NAV3: variants seen among roughly 807,000 people sequenced by gnomAD.
NAV3 encodes the protein pore membrane and/or filament interacting like protein 1.
Under a neutral mutation model 244.7 loss-of-function variants are expected in NAV3, and 87 were observed. The observed-to-expected ratio is 0.36, with a 90% CI of 0.30 to 0.42. NAV3 has a LOEUF of 0.42. NAV3 is among the 20% of genes least tolerant of loss of function. The pLI, the probability that NAV3 is intolerant of heterozygous loss-of-function variation, is 1.00. For missense variants in NAV3, 2,663 were observed against 2,893.3 expected, an observed-to-expected ratio of 0.92 and a Z score of 1.83; for synonymous variants, 1,126 against 1,042.2, an observed-to-expected ratio of 1.08 and a Z score of -1.55.
intron 3 of NAV3, among the ~76,000 whole-genome samples, chr12:77,955,289 T>C (rs1240927101): frequency 1.3e-5 from 2 of 152,124 alleles, no homozygotes; most frequent in Non-Finnish European, 2.9e-5. Context: ...AGTTCACATA[T>C]AGCTCCTTCC....
intron 2 of NAV3, among the ~76,000 whole-genome samples, chr12:77,586,034 T>C (rs949154659): frequency 2.9e-4 from 44 of 151,822 alleles, no homozygotes; most frequent in African/African-American, 7.0e-4. Context: ...TGGTGGCGGG[T>C]GCCTGTAGTC....
At chr12:78,210,330 C>A in intron 39 of NAV3, 68 bp from the exon 40 acceptor site, 1 of 1,603,856 alleles carries the variant, frequency 6.2e-7, no homozygotes, top group Non-Finnish European at 8.5e-7. Flanking sequence ...GGCTCAGGGC[C>A]TTGTTTTTTA....
At chr12:77,867,916 TA>T (rs1190713300) in intron 1 of NAV3, among the ~76,000 whole-genome samples, 1 of 152,152 alleles carries the variant, frequency 6.6e-6, no homozygotes, top group African/African-American at 2.4e-5. Context: ...GCCCCTCAAG[TA>T]TGGACAAATC....
intron 3 of NAV3, among the ~76,000 whole-genome samples, chr12:77,942,342 G>A (rs2619071): frequency 0.86 from 131,237 of 151,986 alleles, 56,793 homozygotes; most frequent in East Asian, 0.98. Flanking sequence ...ATTGCACTCC[G>A]GCCTGGGCAA....
chr12:77,880,725 G>A (rs1450053415), intron 1 of NAV3, among the ~76,000 whole-genome samples: 1 of 152,094 alleles, frequency 6.6e-6, no homozygotes, highest in Admixed American at 6.6e-5. Flanking sequence ...GATACACAAA[G>A]CTTCCCATGT....
At chr12:78,082,151 G>A (rs1343390383) in intron 12 of NAV3, among the ~76,000 whole-genome samples, 1 of 152,204 alleles carries the variant, frequency 6.6e-6, no homozygotes, top group Non-Finnish European at 1.5e-5. Flanking sequence ...CATGTAAGAT[G>A]TGGCTTTGCT....
chr12:77,719,623 C>A (rs1475906914), intron 2 of NAV3, among the ~76,000 whole-genome samples: 1 of 152,032 alleles, frequency 6.6e-6, no homozygotes, highest in Non-Finnish European at 1.5e-5. Context: ...TTCAACCCAC[C>A]TTGTATCCCA....
chr12:77,886,811 A>G (rs927533302), intron 1 of NAV3, among the ~76,000 whole-genome samples: 3 of 152,154 alleles, frequency 2.0e-5, no homozygotes, highest in African/African-American at 4.8e-5. Context: ...AAGCTATAAT[A>G]TTGTGGTTCC....
At chr12:77,604,769 A>G (rs1488644746) in intron 2 of NAV3, among the ~76,000 whole-genome samples, 1 of 152,040 alleles carries the variant, frequency 6.6e-6, no homozygotes, top group African/African-American at 2.4e-5. Context: ...GCGAAATTTA[A>G]ATGGTGCTTT....
At chr12:78,196,438 G>A (rs1959175724) in intron 34 of NAV3, among the ~76,000 whole-genome samples, 1 of 151,876 alleles carries the variant, frequency 6.6e-6, no homozygotes, top group African/African-American at 2.4e-5. Context: ...TTATAACCCT[G>A]AGCACGATTT....
chr12:77,613,257 T>C (rs922096605), intron 2 of NAV3, among the ~76,000 whole-genome samples: 2 of 152,198 alleles, frequency 1.3e-5, no homozygotes, highest in Non-Finnish European at 2.9e-5. Context: ...TATGCACATA[T>C]GATTCTTCTA....
intron 15 of NAV3, 42 bp downstream of exon 15, chr12:78,119,987 A>C (rs300443): frequency 2.6e-6 from 4 of 1,518,368 alleles, no homozygotes; most frequent in Non-Finnish European, 3.6e-6. Flanking sequence ...ATAAAGGATA[A>C]ATATGTGTTA....
At chr12:77,798,595 A>C (rs1871547399) in intron 2 of NAV3, among the ~76,000 whole-genome samples, 1 of 152,122 alleles carries the variant, frequency 6.6e-6, no homozygotes, top group Admixed American at 6.6e-5. Flanking sequence ...TGAGGACTAA[A>C]TGAAATAATG....
chr12:77,907,319 T>C (rs1886092859), intron 1 of NAV3, among the ~76,000 whole-genome samples: 1 of 152,192 alleles, frequency 6.6e-6, no homozygotes, highest in Admixed American at 6.6e-5. Flanking sequence ...TTTATTCATC[T>C]ATGTGGAAAG....
At chr12:77,728,991 T>C (rs1877006049) in intron 2 of NAV3, among the ~76,000 whole-genome samples, 1 of 152,004 alleles carries the variant, frequency 6.6e-6, no homozygotes, top group South Asian at 2.1e-4. Flanking sequence ...CAATAGTAAA[T>C]ATATTTTTCT....
chr12:77,639,987 A>G (rs1402453366), intron 2 of NAV3, among the ~76,000 whole-genome samples: 1 of 152,128 alleles, frequency 6.6e-6, no homozygotes, highest in East Asian at 1.9e-4. Flanking sequence ...GGTGTAGGGA[A>G]TGACCCCAGA....
intron 2 of NAV3, among the ~76,000 whole-genome samples, chr12:77,643,289 C>G (rs544157266): frequency 2.0e-4 from 30 of 151,990 alleles, no homozygotes; most frequent in African/African-American, 3.4e-4. Flanking sequence ...GTGTTTAACT[C>G]TTAGTCACAT....
At chr12:78,069,808 A>G (rs1404434612) in intron 12 of NAV3, among the ~76,000 whole-genome samples, 1 of 152,050 alleles carries the variant, frequency 6.6e-6, no homozygotes, top group Non-Finnish European at 1.5e-5. Context: ...TAGTGTGGGT[A>G]TATGTGTATG....
chr12:77,668,041 C>T (rs1330560944), intron 2 of NAV3, among the ~76,000 whole-genome samples: 2 of 152,170 alleles, frequency 1.3e-5, no homozygotes, highest in African/African-American at 4.8e-5. Context: ...AGAGCAAAAA[C>T]AGTTGCTGCA....
Sources: gnomAD v4.1 joint callset for allele counts (sites outside exome capture counted in the v4.1 genomes callset) on GRCh38, gnomAD v4.1.1 for gene constraint, MANE v1.5 for transcripts, NCBI Gene and HGNC (gene_info 2026-07-23, HGNC 2026-07-21) for gene names.